The following LIMK2 variants were observed in gnomAD, a reference collection of about 807,000 sequenced individuals.
LIMK2 encodes LIM domain kinase 2.
Under a neutral mutation model 75.7 loss-of-function variants are expected in LIMK2, and 35 were observed. The ratio of observed to expected loss-of-function variants is 0.46; its 90% CI spans 0.35 to 0.61. LIMK2 has a LOEUF of 0.61. Among genes scored for constraint, LIMK2 ranks in the 20% least tolerant of loss-of-function variants. The pLI is 0.00. For missense variants in LIMK2, 623 were observed against 831.0 expected (o/e 0.75, Z 3.08); for synonymous variants, 301 against 319.2 (o/e 0.94, Z 0.61).
At chr22:31,259,764 T>A in intron 4 of LIMK2, 125 bp from the exon 5 acceptor site, 2 of 767,452 alleles carry the variant, frequency 2.6e-6, no homozygotes, top group Non-Finnish European at 1.9e-6. Flanking sequence ...CCAGCTAGAA[T>A]CATGACAAAG....
chr22:31,236,645 T>C (rs1441562604), intron 2 of LIMK2, among the ~76,000 whole-genome samples: 1 of 147,342 alleles, frequency 6.8e-6, no homozygotes, highest in African/African-American at 2.5e-5. Context: ...CAGGCGCGTT[T>C]GCTCACGCCA....
At chr22:31,261,990 G>A in intron 5 of LIMK2, 144 bp from the exon 6 acceptor site, 2 of 673,226 alleles carry the variant, frequency 3.0e-6, no homozygotes, top group Non-Finnish European at 5.4e-6. Flanking sequence ...TCCTGGAAAA[G>A]GTGTTGCCTT....
chr22:31,265,454 G>A (rs1568999316), intron 7 of LIMK2, among the ~76,000 whole-genome samples: 1 of 151,452 alleles, frequency 6.6e-6, no homozygotes, highest in Non-Finnish European at 1.5e-5. Flanking sequence ...ATGAGACTCA[G>A]GTGAACTAGG....
chr22:31,260,070 G>A lies in LIMK2; in HGVS notation c.544G>A (p.Val182Met), dbSNP rs758256959. ...ACSNYATTVQ[V>M]KEVNRMHISP... ...CTCCAACTACGCCACCACTGTGCAA[G>A]TGAAAGAGTAAGTATTTTGAGAACC... is the stretch of plus-strand genomic sequence containing the variant. Residue 182 changes from valine (V) to methionine (M), a missense_variant, in exon 5 of 16, where the codon GTG (valine) becomes ATG (methionine). By Grantham distance (21) the Val-to-Met change is conservative. Transcript: ENST00000331728. The A allele has an allele frequency of 6.4e-7, 1 of 1,573,810 alleles. No individual in the cohort carries two copies. The highest frequency in any genetic ancestry group is 8.6e-7 in the Non-Finnish European group (1 of 1,163,200).
intron 11 of LIMK2, among the ~76,000 whole-genome samples, chr22:31,268,705 AAAT>A (rs1273368089): frequency 1.3e-5 from 2 of 152,372 alleles, no homozygotes; most frequent in African/African-American, 4.8e-5. Context: ...CCAAGCATAG[AAAT>A]AATAACAGCT....
chr22:31,273,625 A>G, intron 14 of LIMK2, 118 bp downstream of exon 14: 1 of 790,036 alleles, frequency 1.3e-6, no homozygotes, highest in Non-Finnish European at 2.2e-6. Context: ...ACATGGGTGT[A>G]GGGTTTTATG....
chr22:31,251,098 C>G (rs2048721199), intron 2 of LIMK2, among the ~76,000 whole-genome samples: 2 of 152,232 alleles, frequency 1.3e-5, no homozygotes, highest in Non-Finnish European at 1.5e-5. Flanking sequence ...TCCTACCACA[C>G]TAGCGTGAGA....
intron 2 of LIMK2, among the ~76,000 whole-genome samples, chr22:31,229,186 C>T (rs1416261933): frequency 6.6e-6 from 1 of 152,194 alleles, no homozygotes; most frequent in Non-Finnish European, 1.5e-5. Flanking sequence ...CTAGTTGCAG[C>T]TTTACCTTGA....
At chr22:31,249,332 G>T (rs890521573) in intron 2 of LIMK2, among the ~76,000 whole-genome samples, 4 of 152,196 alleles carry the variant, frequency 2.6e-5, no homozygotes, top group Non-Finnish European at 5.9e-5. Context: ...TAGTTGCTGG[G>T]GAAAGACCTG....
Position 31,231,603 on chromosome 22 carries a change from T to G in LIMK2, c.116+5784T>G, listed in dbSNP as rs371017720. Among the ~76,000 whole-genome samples the G allele has an allele frequency of 4.6e-5, 7 of 152,286 alleles. No individual in the cohort carries two copies. In the East Asian group the frequency reaches 9.6e-4, roughly 21 times the overall value. On this transcript the variant is annotated intron_variant, in intron 2 of 15. Transcript: ENST00000331728. The stretch of plus-strand genomic sequence containing the variant: ...TGACCACAGAGTGGTACTCCTAGGA[T>G]GTAGCAGCAGCATATGAGCTTGAAT...
rs2048846069 is a variant in LIMK2 at position 31,262,101 on chromosome 22, T to C, written c.552-33T>C. The C allele has an allele frequency of 1.3e-6, 2 of 1,570,508 alleles. No individual in the cohort carries two copies. Among genetic ancestry groups the C allele is most frequent in the East Asian group, 2.2e-5 (1 of 44,666 alleles). On this transcript the variant is annotated intron_variant, in intron 5 of 15. Transcript: ENST00000331728. This position sits in a 1 kb window ranked among gnomAD's most constrained non-coding sequence, Gnocchi z 5.0. ...ATTGGTCAAGCAGGTTTTTAGGACA[T>C]CTTTACCCTGCCTCAACTCTTGTCT...
Position 31,279,974 on chromosome 22 carries a change from T to A in LIMK2, c.*1533T>A, listed in dbSNP as rs2049070487. 6.6e-6 allele frequency: 1 copy of A among 152,562 alleles called. No homozygotes were observed. Among genetic ancestry groups the A allele is most frequent in the East Asian group, 1.9e-4 (1 of 5,190 alleles). 9.5% of individuals were successfully genotyped at this position (152,562 alleles called of 1,614,324 possible). The stretch of plus-strand genomic sequence containing the variant: ...TCCCAGCAGCAGCACAGTTCAGCAT[T>A]GTGTGGCTGGTTGTTTCCTGGCTGT... On this transcript the variant is annotated 3_prime_UTR_variant, in exon 16 of 16. Coordinates refer to ENST00000331728, the MANE Select transcript of LIMK2 (RefSeq NM_005569.4).
At chr22:31,245,631 G>A (rs980729307) in intron 2 of LIMK2, among the ~76,000 whole-genome samples, 7 of 151,894 alleles carry the variant, frequency 4.6e-5, no homozygotes, top group Non-Finnish European at 8.8e-5. Flanking sequence ...GTAGAGATAG[G>A]GTCTTGGTTT....
In LIMK2 at chr22:31,259,177, G is replaced by T. The variant is rs2048813491; in HGVS notation, c.309G>T (p.Val103=). 1 of 1,613,886 alleles carries T rather than the reference G, an allele frequency of 6.2e-7. No individual in the cohort carries two copies. Among genetic ancestry groups the T allele is most frequent in the Non-Finnish European group, 8.5e-7 (1 of 1,179,842 alleles). The part of the protein sequence containing the change: ...PECFACMSCK[V]IIEDGDAYAL... ...GCTTTGCCTGTATGAGCTGCAAGGTGATCATTGAGGATGGGGATGCATATG... is the reference window on the plus strand; with the variant it reads ...GCTTTGCCTGTATGAGCTGCAAGGTTATCATTGAGGATGGGGATGCATATG... The change falls in exon 4 of 16, where the codon GTG becomes GTT. Residue 103 remains valine, a synonymous_variant. Transcript: ENST00000331728.
chr22:31,241,659 C>CACT (rs1186061737), intron 2 of LIMK2, among the ~76,000 whole-genome samples: 1 of 152,172 alleles, frequency 6.6e-6, no homozygotes, highest in East Asian at 1.9e-4. Flanking sequence ...TGAAGGCAGG[C>CACT]ACTAGGTACT....
At position 31,262,928 on chromosome 22, in the gene LIMK2, C is replaced by CT. The variant is rs2048855868; in HGVS notation, c.854+138dup. ...GACTATGAGGATTGTGCTGACCCAG[C>CT]TGCCCCTGTGGGGATCACAGTTTAC... On this transcript the variant is annotated intron_variant, in intron 7 of 15. Coordinates refer to ENST00000331728, the MANE Select transcript of LIMK2 (RefSeq NM_005569.4). The surrounding 1 kb of genome is among the most constrained non-coding windows in gnomAD (Gnocchi z 5.0). 1 of 797,446 alleles carries CT rather than the reference C, an allele frequency of 1.3e-6. No homozygotes were observed. The highest frequency in any genetic ancestry group is 1.8e-5 in the African/African-American group (1 of 56,508). The allele number at this position is 797,446 out of a possible 1,614,324, so 49.4% of individuals were successfully genotyped here.
chr22:31,214,507 T>C (rs1173831292), intron 1 of LIMK2, among the ~76,000 whole-genome samples: 1 of 151,926 alleles, frequency 6.6e-6, no homozygotes, highest in Admixed American at 6.6e-5. Context: ...AGGGTCTCAC[T>C]ATGTTGCCCA....
In LIMK2 at chr22:31,249,345, C is replaced by T. The variant is rs1036356223; in HGVS notation, c.117-8946C>T. ...TGTAGTTGCTGGGGAAAGACCTGGGCGAGTGCTTCTAAGACTGGAGCAATG... is the reference window on the plus strand; with the variant it reads ...TGTAGTTGCTGGGGAAAGACCTGGGTGAGTGCTTCTAAGACTGGAGCAATG... On this transcript the variant is annotated intron_variant, in intron 2 of 15. Transcript: ENST00000331728. Among the ~76,000 whole-genome samples the T allele has an allele frequency of 4.6e-5, 7 of 152,112 alleles. 1 individual carries two copies. The highest frequency in any genetic ancestry group is 2.0e-4 in the Admixed American group (3 of 15,278).
At chr22:31,213,167 G>A (rs1016865663) in intron 1 of LIMK2, among the ~76,000 whole-genome samples, 10 of 152,238 alleles carry the variant, frequency 6.6e-5, no homozygotes, top group Middle Eastern at 3.4e-3. Context: ...AAGACTAGAG[G>A]GATTCGGCCA....
Sources: allele counts gnomAD v4.1 joint callset (sites outside exome capture counted in the v4.1 genomes callset), GRCh38; gene constraint gnomAD v4.1.1; non-coding constraint Gnocchi (gnomAD v3.1); transcripts MANE v1.5; gene names NCBI Gene and HGNC (gene_info 2026-07-23, HGNC 2026-07-21).